Variants in XYLT1 observed in about 807,000 individuals in gnomAD.
XYLT1 encodes the protein xylosyltransferase 1.
A neutral mutation model predicts 91.3 loss-of-function variants in XYLT1; 36 were observed. That is an observed-to-expected ratio of 0.39 (90% CI 0.30 to 0.52). The LOEUF (loss-of-function observed/expected upper bound fraction) is 0.52, where lower values mean the gene tolerates loss of function less well. XYLT1 is among the 20% of genes least tolerant of loss of function. The probability of loss-of-function intolerance (pLI) is 0.68; values close to 1 mark genes in which losing one functional copy is unlikely to be tolerated. For missense variants in XYLT1, 1,242 were observed against 1,284.5 expected (o/e 0.97, Z 0.51); for synonymous variants, 588 against 532.0 (o/e 1.11, Z -1.45).
At chr16:17,282,186 C>T (rs2141785951) in intron 2 of XYLT1, among the ~76,000 whole-genome samples, 1 of 152,210 alleles carries the variant, frequency 6.6e-6, no homozygotes, top group Non-Finnish European at 1.5e-5. Flanking sequence ...GGGGCAAACA[C>T]AGTCAGCACT....
chr16:17,331,697 T>A (rs1013805995), intron 2 of XYLT1, among the ~76,000 whole-genome samples: 1 of 152,306 alleles, frequency 6.6e-6, no homozygotes, highest in Non-Finnish European at 1.5e-5. Context: ...CACTGAGGAT[T>A]GACCAGGTGA....
intron 8 of XYLT1, 172 bp downstream of exon 8, chr16:17,138,183 A>AGAACATCCCTGAAGTT: frequency 4.4e-6 from 3 of 677,036 alleles, no homozygotes; most frequent in Non-Finnish European, 4.7e-6. Context: ...TCCCTGAAGT[A>AGAACATCCCTGAAGTT]AGTGCTCAAT....
chr16:17,215,884 C>T (rs563445658), intron 3 of XYLT1, among the ~76,000 whole-genome samples: 1 of 152,178 alleles, frequency 6.6e-6, no homozygotes, highest in East Asian at 1.9e-4. Context: ...TCTTGGGTAC[C>T]ACCTTAAGGA....
chr16:17,270,302 C>CTAAG (rs2141771539), intron 2 of XYLT1, among the ~76,000 whole-genome samples: 1 of 152,376 alleles, frequency 6.6e-6, no homozygotes, highest in East Asian at 1.9e-4. Flanking sequence ...GCCTACAAGG[C>CTAAG]TAAGTCCTTG....
intron 3 of XYLT1, among the ~76,000 whole-genome samples, chr16:17,234,897 C>T (rs78621859): frequency 0.061 from 9,343 of 152,004 alleles, 302 homozygotes; most frequent in South Asian, 0.14. Flanking sequence ...GTAATGAATA[C>T]GACCATAATG....
In XYLT1 at chr16:17,134,718, G is replaced by A; in HGVS notation, c.1782C>T (p.Thr594=). ...CGGCTTCAAACTTGCGGGCAAAGAAGGTAGGCCGGGCTGTCTGCTGTACTC... is the reference window on the plus strand; with the variant it reads ...CGGCTTCAAACTTGCGGGCAAAGAAAGTAGGCCGGGCTGTCTGCTGTACTC... ...FHRFQQTARP[T]FFARKFEAVV... The change falls in exon 9 of 12, where the codon ACC becomes ACT. Residue 594 remains threonine, a synonymous_variant. Coordinates refer to ENST00000261381, the MANE Select transcript of XYLT1 (RefSeq NM_022166.4). 1 of 1,614,184 alleles carries A rather than the reference G, an allele frequency of 6.2e-7. No individual in the cohort carries two copies. The highest frequency in any genetic ancestry group is 1.6e-4 in the Middle Eastern group (1 of 6,062).
chr16:17,416,450 C>T (rs1242562947), intron 1 of XYLT1, among the ~76,000 whole-genome samples: 2 of 152,190 alleles, frequency 1.3e-5, no homozygotes, highest in Non-Finnish European at 2.9e-5. Context: ...TGTCCTGGTT[C>T]CTCACACGGG....
At chr16:17,186,487 A>G (rs376114913) in intron 5 of XYLT1, among the ~76,000 whole-genome samples, 2 of 53,882 alleles carry the variant, frequency 3.7e-5, no homozygotes, top group East Asian at 3.6e-4. Flanking sequence ...TTTTTTTTTT[A>G]GAAATGGGGG....
Position 17,258,977 on chromosome 16 carries a change from T to G in XYLT1, c.913+11A>C. 1 of 1,490,948 alleles carries G rather than the reference T, an allele frequency of 6.7e-7. No homozygotes were observed. The highest frequency in any genetic ancestry group is 8.9e-7 in the Non-Finnish European group (1 of 1,119,232). The allele number at this position is 1,490,948 out of a possible 1,614,324, so 92.4% of individuals were successfully genotyped here. On this transcript the variant is annotated intron_variant, in intron 3 of 11. Transcript: ENST00000261381. ...GAGATCCCTCTCTGAGCCAGCGGGG[T>G]TGGAACTTACCCTCGAGGGGGCAGA...
At chr16:17,401,341 C>T (rs376674513) in intron 1 of XYLT1, among the ~76,000 whole-genome samples, 6 of 152,112 alleles carry the variant, frequency 3.9e-5, no homozygotes, top group African/African-American at 1.2e-4. Context: ...GACGGACTTC[C>T]TGCAAGTTCA....
intron 2 of XYLT1, among the ~76,000 whole-genome samples, chr16:17,333,973 G>A (rs1031756334): frequency 6.6e-6 from 1 of 152,160 alleles, no homozygotes; most frequent in South Asian, 2.1e-4. Context: ...CCGCTATCAT[G>A]CATGGGGTTA....
intron 3 of XYLT1, among the ~76,000 whole-genome samples, chr16:17,210,989 A>G (rs2032745936): frequency 6.6e-6 from 1 of 152,178 alleles, no homozygotes; most frequent in African/African-American, 2.4e-5. Flanking sequence ...TTTTTGTTTC[A>G]CTGATTTCTT....
At chr16:17,144,375 T>C (rs901930526) in intron 6 of XYLT1, among the ~76,000 whole-genome samples, 13 of 152,330 alleles carry the variant, frequency 8.5e-5, no homozygotes, top group African/African-American at 3.1e-4. Context: ...ACTCATAGTC[T>C]GACTGGGCAA....
chr16:17,160,223 T>C (rs1053289736), intron 5 of XYLT1, among the ~76,000 whole-genome samples: 2 of 152,176 alleles, frequency 1.3e-5, no homozygotes, highest in Non-Finnish European at 2.9e-5. Flanking sequence ...AAATTAAACA[T>C]GCCCAGCACC....
chr16:17,258,904 C>A, intron 3 of XYLT1, 84 bp downstream of exon 3: 1 of 1,412,488 alleles, frequency 7.1e-7, no homozygotes, highest in Non-Finnish European at 9.2e-7. Context: ...CTCAGAAGGT[C>A]TGAGAAGGTG....
intron 1 of XYLT1, among the ~76,000 whole-genome samples, chr16:17,468,539 G>C (rs2036931123): frequency 6.6e-6 from 1 of 152,144 alleles, no homozygotes; most frequent in African/African-American, 2.4e-5. Flanking sequence ...GGAAAATAGT[G>C]TGTTCCCACC....
chr16:17,144,101 C>T (rs1356988289), intron 6 of XYLT1, among the ~76,000 whole-genome samples: 2 of 152,086 alleles, frequency 1.3e-5, no homozygotes, highest in African/African-American at 4.8e-5. Flanking sequence ...CAGCAACTTG[C>T]CATAGCACAT....
chr16:17,175,237 C>A (rs1342659679), intron 5 of XYLT1, among the ~76,000 whole-genome samples: 1 of 152,114 alleles, frequency 6.6e-6, no homozygotes, highest in Non-Finnish European at 1.5e-5. Flanking sequence ...ATCCTCACAA[C>A]CCCCCTAAAA....
intron 1 of XYLT1, among the ~76,000 whole-genome samples, chr16:17,454,670 G>A (rs1596554647): frequency 6.6e-6 from 1 of 151,944 alleles, no homozygotes; most frequent in African/African-American, 2.4e-5. Flanking sequence ...CTGAGTAGCT[G>A]GGATTACAGG....
Sources: gnomAD v4.1 joint callset for allele counts (sites outside exome capture counted in the v4.1 genomes callset) on GRCh38, gnomAD v4.1.1 for gene constraint, MANE v1.5 for transcripts, NCBI Gene and HGNC (gene_info 2026-07-23, HGNC 2026-07-21) for gene names.